MIR2052HG: variants seen among roughly 807,000 people sequenced by gnomAD.
MIR2052HG encodes MIR2052 host gene.
intron 2 of MIR2052HG, among the ~76,000 whole-genome samples, chr8:74,664,289 A>G (rs1236876518): frequency 1.3e-5 from 2 of 152,166 alleles, no homozygotes; most frequent in African/African-American, 4.8e-5. Flanking sequence ...AAAAAAAGAA[A>G]AAAAAAGATT....
At chr8:74,652,576 G>T (rs978175572) in intron 2 of MIR2052HG, among the ~76,000 whole-genome samples, 5 of 152,086 alleles carry the variant, frequency 3.3e-5, no homozygotes, top group African/African-American at 1.2e-4. Flanking sequence ...CTTGAAAAAT[G>T]ATTTAATGGT....
chr8:74,612,074 C>T (rs982597925), intron 1 of MIR2052HG, among the ~76,000 whole-genome samples: 2 of 151,954 alleles, frequency 1.3e-5, no homozygotes, highest in Non-Finnish European at 2.9e-5. Context: ...AGGTGTAAAA[C>T]GCCTGCCTTG....
chr8:74,743,779 C>A (rs1423324826), intron 4 of MIR2052HG, among the ~76,000 whole-genome samples: 1 of 152,130 alleles, frequency 6.6e-6, no homozygotes, highest in East Asian at 1.9e-4. Context: ...AATTCCCCAG[C>A]AAAACCAAGC....
intron 4 of MIR2052HG, among the ~76,000 whole-genome samples, chr8:74,714,386 G>A (rs1388020654): frequency 2.0e-5 from 3 of 152,056 alleles, no homozygotes; most frequent in Non-Finnish European, 2.9e-5. Flanking sequence ...GGTTTTATCT[G>A]TTTACAAAAG....
intron 2 of MIR2052HG, among the ~76,000 whole-genome samples, chr8:74,659,796 T>C (rs1808842472): frequency 6.6e-6 from 1 of 152,190 alleles, no homozygotes; most frequent in Admixed American, 6.5e-5. Context: ...ACTTCCTCTT[T>C]ATAGCACTTA....
At chr8:74,624,159 A>AT (rs1563516036) in intron 2 of MIR2052HG, among the ~76,000 whole-genome samples, 3 of 152,088 alleles carry the variant, frequency 2.0e-5, no homozygotes, top group Admixed American at 1.3e-4. Context: ...CTGATTTTCC[A>AT]TTTTTTTCCG....
intron 4 of MIR2052HG, among the ~76,000 whole-genome samples, chr8:74,708,306 A>C (rs1269269856): frequency 1.3e-5 from 2 of 152,286 alleles, no homozygotes; most frequent in Admixed American, 1.3e-4. Context: ...ATCACAAGGA[A>C]GCATTTTGTT....
chr8:74,622,434 T>A (rs1808375154), intron 2 of MIR2052HG, among the ~76,000 whole-genome samples: 1 of 151,918 alleles, frequency 6.6e-6, no homozygotes, highest in African/African-American at 2.4e-5. Flanking sequence ...CAAAACCCTG[T>A]TTTTACTAAA....
chr8:74,715,154 C>T (rs1246725497), intron 4 of MIR2052HG, among the ~76,000 whole-genome samples: 1 of 152,030 alleles, frequency 6.6e-6, no homozygotes, highest in African/African-American at 2.4e-5. Context: ...ATGACCTTCA[C>T]AATGAAACAT....
intron 2 of MIR2052HG, among the ~76,000 whole-genome samples, chr8:74,633,687 T>C (rs1808547882): frequency 1.3e-5 from 2 of 152,218 alleles, no homozygotes; most frequent in African/African-American, 2.4e-5. Flanking sequence ...GTACTGTTCA[T>C]TGGGGCTGCA....
intron 4 of MIR2052HG, among the ~76,000 whole-genome samples, chr8:74,744,854 C>G (rs1809867916): frequency 6.6e-6 from 1 of 152,096 alleles, no homozygotes; most frequent in East Asian, 1.9e-4. Context: ...TTCTAACAAG[C>G]AAAAGTGAAG....
chr8:74,703,805 G>T, intron 4 of MIR2052HG: 1 of 306,694 alleles, frequency 3.3e-6, no homozygotes, highest in Non-Finnish European at 6.5e-6. Context: ...GGTTAATACA[G>T]CCTTATAAAT....
At chr8:74,744,567 T>C (rs995679874) in intron 4 of MIR2052HG, among the ~76,000 whole-genome samples, 1 of 151,616 alleles carries the variant, frequency 6.6e-6, no homozygotes, top group African/African-American at 2.4e-5. Context: ...TGAGTGAGAA[T>C]ATGCGGTGTT....
At chr8:74,652,863 G>T (rs878989184) in intron 2 of MIR2052HG, among the ~76,000 whole-genome samples, 1 of 152,146 alleles carries the variant, frequency 6.6e-6, no homozygotes, top group Non-Finnish European at 1.5e-5. Context: ...GAGGAAGTGG[G>T]TAGCTGACTG....
At chr8:74,608,891 A>C (rs1808151482) in intron 1 of MIR2052HG, among the ~76,000 whole-genome samples, 1 of 152,058 alleles carries the variant, frequency 6.6e-6, no homozygotes, top group South Asian at 2.1e-4. Context: ...TTAAGAAATA[A>C]GAAAAAACAA....
chr8:74,600,513 C>T (rs1255853895), intron 1 of MIR2052HG, among the ~76,000 whole-genome samples: 3 of 146,684 alleles, frequency 2.0e-5, no homozygotes, highest in South Asian at 4.4e-4. Context: ...ACCGGGGAGG[C>T]GGAGGTTGTG....
intron 4 of MIR2052HG, among the ~76,000 whole-genome samples, chr8:74,717,369 G>T (rs1418433826): frequency 6.6e-6 from 1 of 152,112 alleles, no homozygotes. Context: ...GTATTCCATG[G>T]TATATATGTA....
intron 2 of MIR2052HG, among the ~76,000 whole-genome samples, chr8:74,657,333 A>G (rs1056150545): frequency 3.9e-5 from 6 of 152,194 alleles, no homozygotes. Flanking sequence ...AGTTTTGTTT[A>G]TTACAATAAA....
At chr8:74,640,744 C>T (rs190204354) in intron 2 of MIR2052HG, among the ~76,000 whole-genome samples, 4 of 152,070 alleles carry the variant, frequency 2.6e-5, no homozygotes, top group African/African-American at 7.2e-5. Context: ...CCATAAACAT[C>T]GTCCTTTTTA....
Sources: allele counts gnomAD v4.1 joint callset (sites outside exome capture counted in the v4.1 genomes callset), GRCh38; gene constraint gnomAD v4.1.1; transcripts MANE v1.5; gene names NCBI Gene and HGNC (gene_info 2026-07-23, HGNC 2026-07-21).